Variants in RIOX2 observed in about 807,000 individuals in gnomAD.
The protein encoded by RIOX2 is ribosomal oxygenase 2, also known as 60S ribosomal protein L27a histidine hydroxylase.
A neutral mutation model predicts 51.2 loss-of-function variants in RIOX2; 43 were observed. The ratio of observed to expected loss-of-function variants is 0.84; its 90% CI spans 0.66 to 1.08. The LOEUF is 1.08. Ranked by LOEUF, RIOX2 falls within the 50% of genes least tolerant of loss-of-function variation. The probability of loss-of-function intolerance (pLI) is 0.00; values close to 1 mark genes in which losing one functional copy is unlikely to be tolerated. For synonymous variants in RIOX2, 226 were observed against 218.5 expected (o/e 1.03, Z -0.30); for missense variants, 566 against 561.7 (o/e 1.01, Z -0.08).
Position 97,942,356 on chromosome 3 carries a change from CA to C in RIOX2, c.*2827del, listed in dbSNP as rs1381161416. 1 of 1,611,800 alleles carries C rather than the reference CA, an allele frequency of 6.2e-7. No individual in the cohort carries two copies. The highest frequency in any genetic ancestry group is 1.3e-5 in the African/African-American group (1 of 74,772). The stretch of plus-strand genomic sequence containing the variant: ...AGCTAAAGTAGCTCTATGGACTGAA[CA>C]TGGGCAATTCAGGCAGAAGTGGAGA... On this transcript the variant is annotated 3_prime_UTR_variant, in exon 10 of 10. Coordinates refer to ENST00000394198, the MANE Select transcript of RIOX2 (RefSeq NM_153182.4).
rs1033198221 is a variant in RIOX2, at chr3:97,944,608, A to T, written c.*576T>A. On this transcript the variant is annotated 3_prime_UTR_variant, in exon 10 of 10. Transcript: ENST00000394198. The stretch of plus-strand genomic sequence containing the variant: ...AATACTGGGTTTTTTTCCTCCTTCA[A>T]TCTCAGGCTTTTCTCCATCTTTTAA... The T allele has an allele frequency of 6.6e-6, 1 of 152,148 alleles. No homozygotes were observed. Among genetic ancestry groups the T allele is most frequent in the African/African-American group, 2.4e-5 (1 of 41,344 alleles). 9.4% of individuals were successfully genotyped at this position (152,148 alleles called of 1,614,324 possible). A position where few individuals can be genotyped will look rare whatever the true frequency, so the allele number is the denominator to read the frequency against.
At chr3:97,955,926 C>T (rs1025618604) in intron 4 of RIOX2, among the ~76,000 whole-genome samples, 1 of 152,086 alleles carries the variant, frequency 6.6e-6, no homozygotes, top group Non-Finnish European at 1.5e-5. Flanking sequence ...TTAAATATAT[C>T]TAAACGTGGA....
rs117292998 is a variant in RIOX2, at chr3:97,961,392, G to C, written c.552+197C>G. On this transcript the variant is annotated intron_variant, in intron 3 of 9. Coordinates refer to ENST00000394198, the MANE Select transcript of RIOX2 (RefSeq NM_153182.4). Reference sequence around the variant, plus strand: ...GGAAACAAGCTGTTCCTTTGAGACAGAGCAGGAAACCAGTTTAGTGGGATT... The same window carrying C: ...GGAAACAAGCTGTTCCTTTGAGACACAGCAGGAAACCAGTTTAGTGGGATT... Among the ~76,000 whole-genome samples, 59 of 152,342 alleles carry C rather than the reference G, an allele frequency of 3.9e-4. No homozygotes were observed. In the East Asian group the frequency reaches 0.011, roughly 29 times the overall value.
intron 3 of RIOX2, 44 bp from the exon 4 acceptor site, chr3:97,959,223 A>G: frequency 6.3e-7 from 1 of 1,591,562 alleles, no homozygotes; most frequent in Non-Finnish European, 8.6e-7. Context: ...GCTTCCTGAC[A>G]ACTCACACAC....
At chr3:97,959,288 G>A in intron 3 of RIOX2, 109 bp from the exon 4 acceptor site, 1 of 564,528 alleles carries the variant, frequency 1.8e-6, no homozygotes, top group Non-Finnish European at 2.7e-6. Flanking sequence ...ATATATAGGT[G>A]AACCTTGAAC....
chr3:97,951,946 C>T (rs1357127814), intron 5 of RIOX2, among the ~76,000 whole-genome samples: 5 of 152,212 alleles, frequency 3.3e-5, no homozygotes, highest in Non-Finnish European at 5.9e-5. Context: ...GGAAGTCATA[C>T]AGCAACAGCT....
intron 6 of RIOX2, among the ~76,000 whole-genome samples, chr3:97,950,372 T>C (rs1432508029): frequency 6.6e-6 from 1 of 152,104 alleles, no homozygotes; most frequent in Non-Finnish European, 1.5e-5. Context: ...TCCACTCATC[T>C]CAAAACTAAT....
In RIOX2 at chr3:97,949,929, C is replaced by G; in HGVS notation, c.975G>C (p.Leu325=). 1 of 1,613,932 alleles carries G rather than the reference C, an allele frequency of 6.2e-7. No individual in the cohort carries two copies. The highest frequency in any genetic ancestry group is 8.5e-7 in the Non-Finnish European group (1 of 1,179,946). The change falls in exon 7 of 10, where the codon CTG becomes CTC. Residue 325 remains leucine (L), a synonymous_variant. Coordinates refer to ENST00000394198, the MANE Select transcript of RIOX2 (RefSeq NM_153182.4). ...LADRLEGTKE[L]LSSDMKKDFI... ...AATCCTTCTTCATGTCTGAGGAAAG[C>G]AGTTCTTTGGTGCCCTCCAGCCGGT...
At chr3:97,950,304 G>C (rs983566957) in intron 6 of RIOX2, among the ~76,000 whole-genome samples, 4 of 152,140 alleles carry the variant, frequency 2.6e-5, no homozygotes, top group Non-Finnish European at 5.9e-5. Flanking sequence ...TGGAAAGCAG[G>C]TCACTGTCCT....
At chr3:97,964,221 A>T (rs761616438) in intron 2 of RIOX2, among the ~76,000 whole-genome samples, 16 of 152,278 alleles carry the variant, frequency 1.1e-4, no homozygotes, top group Admixed American at 2.6e-4. Flanking sequence ...AAAATAGAAG[A>T]CCACGTATAT....
chr3:97,945,468 A>G, intron 9 of RIOX2, 126 bp from the exon 10 acceptor site: 1 of 813,272 alleles, frequency 1.2e-6, no homozygotes, highest in Non-Finnish European at 1.9e-6. Context: ...TTTTAGACAC[A>G]CTACAATTAG....
chr3:97,959,291 C>A, intron 3 of RIOX2, 112 bp from the exon 4 acceptor site: 2 of 688,720 alleles, frequency 2.9e-6, no homozygotes, highest in Non-Finnish European at 4.3e-6. Flanking sequence ...TATAGGTGAA[C>A]CTTGAACAAC....
chr3:97,945,595 T>C (rs2040335960), intron 9 of RIOX2: 7 of 609,982 alleles, frequency 1.1e-5, no homozygotes, highest in Non-Finnish European at 2.0e-5. Context: ...AGGTCCCAGC[T>C]AGTATGTCTT....
At position 97,954,495 on chromosome 3, in the gene RIOX2, G is replaced by T; in HGVS notation, c.682C>A (p.Pro228Thr). ...GRPVHEFMLK[P>T]GDLLYFPRGT... is the part of the protein sequence containing the mutation. ...CTGGGAAAGTACAACAAATCACCCG[G>T]CTAAAGGAAGGAATAGGAAAGGGTA... Residue 228 changes from proline (P) to threonine (T), a missense_variant and splice_region_variant, in exon 5 of 10, where the codon CCG (proline) becomes ACG (threonine). Coordinates refer to ENST00000394198, the MANE Select transcript of RIOX2 (RefSeq NM_153182.4). 2 of 1,613,076 alleles carry T rather than the reference G, an allele frequency of 1.2e-6. No homozygotes were observed. Among genetic ancestry groups the T allele is most frequent in the Non-Finnish European group, 1.7e-6 (2 of 1,179,162 alleles).
At chr3:97,961,510 C>T (rs1374040849) in intron 3 of RIOX2, 79 bp downstream of exon 3, 3 of 1,461,336 alleles carry the variant, frequency 2.1e-6, no homozygotes, top group East Asian at 4.7e-5. Context: ...ATAATGTGAA[C>T]TCACCCTGAC....
Position 97,946,602 on chromosome 3 carries a change from A to ATATATATCTATATC in RIOX2, c.1150-716_1150-715insGATATAGATATATA, listed in dbSNP as rs1028298878. Among the ~76,000 whole-genome samples the ATATATATCTATATC allele has an allele frequency of 1.7e-4, 24 of 137,336 alleles. 1 individual carries two copies. The highest frequency in any genetic ancestry group is 6.2e-4 in the African/African-American group (23 of 37,396). 90.1% of individuals were successfully genotyped at this position (137,336 alleles called of 152,430 possible). A position where few individuals can be genotyped will look rare whatever the true frequency, so the allele number is the denominator to read the frequency against. ...TTTGAGGATGTATATATATATATAT[A>ATATATATCTATATC]TATATCTATTCATGTATATTCATAT... On this transcript the variant is annotated intron_variant, in intron 8 of 9. Coordinates refer to ENST00000394198, the MANE Select transcript of RIOX2 (RefSeq NM_153182.4).
intron 1 of RIOX2, chr3:97,971,596 G>C (rs574066261): frequency 6.6e-6 from 1 of 152,304 alleles, no homozygotes; most frequent in South Asian, 2.1e-4. Context: ...ATACCTCAAT[G>C]TATTTTCGTG....
At chr3:97,953,658 C>T (rs1314499561) in intron 5 of RIOX2, among the ~76,000 whole-genome samples, 1 of 152,146 alleles carries the variant, frequency 6.6e-6, no homozygotes, top group Non-Finnish European at 1.5e-5. Flanking sequence ...GCTGGGATTA[C>T]AGGAGTGAGC....
intron 9 of RIOX2, 175 bp from the exon 10 acceptor site, chr3:97,945,517 C>A: frequency 1.6e-6 from 1 of 622,922 alleles, no homozygotes; most frequent in Non-Finnish European, 2.7e-6. Context: ...AAAAGGCATC[C>A]TAATTTATGT....
Sources: gnomAD v4.1 joint callset for allele counts (sites outside exome capture counted in the v4.1 genomes callset) on GRCh38, gnomAD v4.1.1 for gene constraint, MANE v1.5 for transcripts, NCBI Gene and HGNC (gene_info 2026-07-23, HGNC 2026-07-21) for gene names.